TCFL5: variants seen among roughly 807,000 people sequenced by gnomAD.
The protein encoded by TCFL5 is transcription factor like 5.
TCFL5 carries 9 observed loss-of-function variants against 44.3 expected under a neutral mutation model. The observed-to-expected ratio is 0.20, with a 90% CI of 0.12 to 0.35. The LOEUF is 0.35. Ranked by LOEUF, TCFL5 falls within the 10% of genes least tolerant of loss-of-function variation. The probability of loss-of-function intolerance (pLI) is 1.00; values close to 1 mark genes in which losing one functional copy is unlikely to be tolerated. For synonymous variants in TCFL5, 319 were observed against 271.6 expected (o/e 1.17, Z -1.72); for missense variants, 603 against 613.4 (o/e 0.98, Z 0.18).
chr20:62,855,146 A>G (rs972931400), intron 4 of TCFL5, among the ~76,000 whole-genome samples: 4 of 152,188 alleles, frequency 2.6e-5, no homozygotes, highest in East Asian at 3.8e-4. Flanking sequence ...TCATAAAAAG[A>G]TATTAGCTAG....
At chr20:62,847,190 A>G (rs1421900899) in intron 5 of TCFL5, among the ~76,000 whole-genome samples, 1 of 152,130 alleles carries the variant, frequency 6.6e-6, no homozygotes, top group Admixed American at 6.5e-5. Context: ...TCAAAAAAAA[A>G]AAAAAAAAAT....
intron 5 of TCFL5, chr20:62,851,483 TA>T: frequency 1.0e-6 from 1 of 975,822 alleles, no homozygotes; most frequent in Non-Finnish European, 1.2e-6. Flanking sequence ...GCCAAAACAT[TA>T]AAGCATTTTT....
In TCFL5 at chr20:62,854,006, T is replaced by C. The variant is rs1011274795; in HGVS notation, c.1380+10A>G. ...TAAAATTCTGAAAATCTACCTGGCCTACCACTAACCTTTTTAAGAGAATCT... is the reference window on the plus strand; with the variant it reads ...TAAAATTCTGAAAATCTACCTGGCCCACCACTAACCTTTTTAAGAGAATCT... On this transcript the variant is annotated intron_variant, in intron 5 of 5. Coordinates refer to ENST00000335351, the MANE Select transcript of TCFL5 (RefSeq NM_006602.4). 6 of 1,612,752 alleles carry C rather than the reference T, an allele frequency of 3.7e-6. No individual in the cohort carries two copies. Among genetic ancestry groups the C allele is most frequent in the African/African-American group, 1.3e-5 (1 of 74,908 alleles).
chr20:62,859,040 T>C (rs995839297), intron 3 of TCFL5, among the ~76,000 whole-genome samples: 3 of 152,112 alleles, frequency 2.0e-5, no homozygotes, highest in African/African-American at 7.2e-5. Context: ...GAGTATAACA[T>C]AAGGAAAATA....
At chr20:62,853,516 A>AT (rs2147270302) in intron 5 of TCFL5, among the ~76,000 whole-genome samples, 1 of 151,762 alleles carries the variant, frequency 6.6e-6, no homozygotes, top group African/African-American at 2.4e-5. Flanking sequence ...CACCAGGTTA[A>AT]TTTTTGTATT....
intron 5 of TCFL5, chr20:62,851,485 A>G: frequency 1.0e-6 from 1 of 977,040 alleles, no homozygotes; most frequent in Non-Finnish European, 1.2e-6. Flanking sequence ...CAAAACATTA[A>G]AGCATTTTTT....
chr20:62,857,737 ATTGGG>A lies in TCFL5; in HGVS notation c.995-104_995-100del, dbSNP rs2063917149. The A allele has an allele frequency of 1.3e-5, 18 of 1,415,982 alleles. No individual in the cohort carries two copies. The South Asian group carries it at 2.5e-4, about 19-fold the overall frequency. The allele number at this position is 1,415,982 out of a possible 1,614,324, so 87.7% of individuals were successfully genotyped here. A position where few individuals can be genotyped will look rare whatever the true frequency, so the allele number is the denominator to read the frequency against. Reference sequence around the variant, plus strand: ...CTTTTCAATCCAAGATATAAACATTATTGGGTAAGCAGCACAGAGAACCGAAACAC... The same window carrying A: ...CTTTTCAATCCAAGATATAAACATTATAAGCAGCACAGAGAACCGAAACAC... On this transcript the variant is annotated intron_variant, in intron 3 of 5. Transcript: ENST00000335351.
At chr20:62,849,825 C>G (rs1467992499) in intron 5 of TCFL5, among the ~76,000 whole-genome samples, 1 of 152,094 alleles carries the variant, frequency 6.6e-6, no homozygotes, top group Non-Finnish European at 1.5e-5. Context: ...CATGATGGCA[C>G]ACACCTGAAG....
At chr20:62,849,052 T>C (rs2063777354) in intron 5 of TCFL5, among the ~76,000 whole-genome samples, 1 of 152,042 alleles carries the variant, frequency 6.6e-6, no homozygotes, top group East Asian at 1.9e-4. Flanking sequence ...CCTGTAGTCC[T>C]AGCTACTCAA....
intron 1 of TCFL5, 80 bp from the exon 2 acceptor site, chr20:62,860,388 G>A: frequency 7.3e-7 from 1 of 1,378,786 alleles, no homozygotes; most frequent in Non-Finnish European, 1.0e-6. Flanking sequence ...CATGGCTCTG[G>A]CTAGTTTTTC....
intron 5 of TCFL5, among the ~76,000 whole-genome samples, chr20:62,848,270 C>A (rs567151515): frequency 1.6e-4 from 24 of 152,302 alleles, no homozygotes; most frequent in African/African-American, 5.5e-4. Context: ...GTGGCTGGCA[C>A]CTTCAGGGCC....
chr20:62,858,146 G>A (rs2063924431), intron 3 of TCFL5, among the ~76,000 whole-genome samples: 1 of 152,208 alleles, frequency 6.6e-6, no homozygotes, highest in African/African-American at 2.4e-5. Flanking sequence ...GCAGCAGCGT[G>A]TGTGTGTGCC....
At chr20:62,846,763 T>TG (rs911088057) in intron 5 of TCFL5, among the ~76,000 whole-genome samples, 13 of 116,774 alleles carry the variant, frequency 1.1e-4, no homozygotes, top group African/African-American at 3.0e-4. Flanking sequence ...GGCCCCTCGC[T>TG]GGGAAAAAAA....
intron 5 of TCFL5, chr20:62,852,538 A>G: frequency 2.0e-6 from 2 of 985,486 alleles, no homozygotes; most frequent in Non-Finnish European, 2.4e-6. Context: ...GCTGCAGGCC[A>G]CTGCCACGAC....
chr20:62,857,741 G>A, intron 3 of TCFL5, 103 bp from the exon 4 acceptor site: 5 of 1,393,810 alleles, frequency 3.6e-6, no homozygotes, highest in Non-Finnish European at 3.9e-6. Flanking sequence ...AACATTATTG[G>A]GTAAGCAGCA....
At chr20:62,844,967 T>C (rs974889789) in intron 5 of TCFL5, 8 of 985,362 alleles carry the variant, frequency 8.1e-6, no homozygotes, top group Non-Finnish European at 9.6e-6. Flanking sequence ...ACAAGCGCCA[T>C]GCTGCCATGG....
Position 62,846,024 on chromosome 20 carries a change from T to C in TCFL5, c.1381-3927A>G, listed in dbSNP as rs779910595. On this transcript the variant is annotated intron_variant, in intron 5 of 5. Coordinates refer to ENST00000335351, the MANE Select transcript of TCFL5 (RefSeq NM_006602.4). ...CACAGCCATTTGTGATTTGCTGTTCTGTAGGCGTGTTGTGGATTCTTTCCA... is the reference window on the plus strand; with the variant it reads ...CACAGCCATTTGTGATTTGCTGTTCCGTAGGCGTGTTGTGGATTCTTTCCA... 16 of 1,368,936 alleles carry C rather than the reference T, an allele frequency of 1.2e-5. 2 individuals carry two copies. The East Asian group carries it at 1.3e-4, about 11-fold the overall frequency. 84.8% of individuals were successfully genotyped at this position (1,368,936 alleles called of 1,614,324 possible).
rs748641253 is a variant in TCFL5 at position 62,857,646 on chromosome 20, AAAG to A, written c.995-11_995-9del. 6.9e-6 allele frequency: 11 copies of A among 1,605,704 alleles called. No homozygotes were observed. The highest frequency in any genetic ancestry group is 5.4e-5 in the African/African-American group (4 of 74,528). On this transcript the variant is annotated splice_polypyrimidine_tract_variant and intron_variant, in intron 3 of 5. Transcript: ENST00000335351. ...GTTTGCATAGCGCTGCTTCTTTGCG[AAAG>A]AAGAAAAAAGTGGTTTTTAATTTTG... is the stretch of plus-strand genomic sequence containing the variant.
chr20:62,851,597 A>G, intron 5 of TCFL5: 2 of 985,382 alleles, frequency 2.0e-6, no homozygotes, highest in Non-Finnish European at 2.4e-6. Context: ...CGATCCGATC[A>G]GAATACATTC....
Sources: allele counts gnomAD v4.1 joint callset (sites outside exome capture counted in the v4.1 genomes callset), GRCh38; gene constraint gnomAD v4.1.1; transcripts MANE v1.5; gene names NCBI Gene and HGNC (gene_info 2026-07-23, HGNC 2026-07-21).